ZNF174: variants seen among roughly 807,000 people sequenced by gnomAD.
The protein encoded by ZNF174 is AW-1.
A neutral mutation model predicts 38.7 loss-of-function variants in ZNF174; 30 were observed. The observed-to-expected ratio is 0.78, with a 90% CI of 0.58 to 1.05. The LOEUF (loss-of-function observed/expected upper bound fraction) is 1.05. Among genes scored for constraint, ZNF174 ranks in the 50% least tolerant of loss-of-function variants. The pLI is 0.00. For missense variants in ZNF174, 499 were observed against 495.6 expected, an observed-to-expected ratio of 1.01 and a Z score of -0.06; for synonymous variants, 201 against 181.7, an observed-to-expected ratio of 1.11 and a Z score of -0.86.
At chr16:3,404,877 C>T in intron 2 of ZNF174, 1 of 1,608,860 alleles carries the variant, frequency 6.2e-7, no homozygotes, top group Non-Finnish European at 8.5e-7. Flanking sequence ...CAGTGCATGA[C>T]AGGGTTGTAC....
intron 1 of ZNF174, 60 bp from the exon 2 acceptor site, chr16:3,404,366 G>T: frequency 6.7e-7 from 1 of 1,496,302 alleles, no homozygotes; most frequent in South Asian, 1.3e-5. Flanking sequence ...ATACAACAGT[G>T]AGAGATCAAG....
intron 1 of ZNF174, among the ~76,000 whole-genome samples, 200 bp downstream of exon 1, chr16:3,402,606 C>T (rs2033961834): frequency 2.0e-5 from 3 of 151,734 alleles, no homozygotes; most frequent in African/African-American, 7.3e-5. Context: ...CTACAGGCGC[C>T]CGCCACCGCG....
chr16:3,402,870 C>G (rs1216782909), intron 1 of ZNF174, among the ~76,000 whole-genome samples: 1 of 152,138 alleles, frequency 6.6e-6, no homozygotes, highest in Non-Finnish European at 1.5e-5. Flanking sequence ...GGGAACCTAT[C>G]CTGAGTTATT....
Position 3,402,425 on chromosome 16 carries a change from C to G in ZNF174, c.402+19C>G, listed in dbSNP as rs751652675. ...GCAGTGGGTAAGGAGGGTCCTCTCCCATCATCCTGGGGATTTCTTTTTCTT... is the reference window on the plus strand; with the variant it reads ...GCAGTGGGTAAGGAGGGTCCTCTCCGATCATCCTGGGGATTTCTTTTTCTT... On this transcript the variant is annotated intron_variant, in intron 1 of 2. Coordinates refer to ENST00000268655, the MANE Select transcript of ZNF174 (RefSeq NM_003450.3). 6.4e-7 allele frequency: 1 copy of G among 1,574,240 alleles called. No individual in the cohort carries two copies. The highest frequency in any genetic ancestry group is 8.6e-7 in the Non-Finnish European group (1 of 1,164,888).
chr16:3,405,211 G>C, intron 2 of ZNF174: 4 of 765,754 alleles, frequency 5.2e-6, no homozygotes, highest in East Asian at 2.9e-5. Context: ...GTGAATACAA[G>C]ATACAGTGAG....
At chr16:3,405,047 C>G in intron 2 of ZNF174, 2 of 1,586,644 alleles carry the variant, frequency 1.3e-6, no homozygotes, top group Non-Finnish European at 1.7e-6. Context: ...TATCTTATAT[C>G]TTTGTCCTCC....
Position 3,401,923 on chromosome 16 carries a change from T to C in ZNF174, c.-82T>C. Reference sequence around the variant, plus strand: ...AGAACCTTCGTTTCTAGAATCTTTCTAGTATTCAGAGACTTCTCCAGGGTC... The same window carrying C: ...AGAACCTTCGTTTCTAGAATCTTTCCAGTATTCAGAGACTTCTCCAGGGTC... On this transcript the variant is annotated 5_prime_UTR_variant, in exon 1 of 3. Transcript: ENST00000268655. The C allele has an allele frequency of 6.6e-7, 1 of 1,510,624 alleles. No homozygotes were observed. Among genetic ancestry groups the C allele is most frequent in the Non-Finnish European group, 8.9e-7 (1 of 1,119,364 alleles). The allele number at this position is 1,510,624 out of a possible 1,614,324, so 93.6% of individuals were successfully genotyped here.
At chr16:3,402,456 T>TTC (rs759688699) in intron 1 of ZNF174, 50 bp downstream of exon 1, 91 of 1,521,534 alleles carry the variant, frequency 6.0e-5, no homozygotes, top group Admixed American at 2.5e-4. Context: ...TTCTTTTCTT[T>TTC]TTTTTTTTTT....
chr16:3,403,993 A>G (rs1210090905), intron 1 of ZNF174, among the ~76,000 whole-genome samples: 1 of 152,212 alleles, frequency 6.6e-6, no homozygotes, highest in East Asian at 1.9e-4. Flanking sequence ...TTACCAGGAA[A>G]GCCTTTGGCA....
In ZNF174 at chr16:3,404,479, G is replaced by T; in HGVS notation, c.456G>T (p.Gln152His). The change falls in exon 2 of 3, where the codon CAG becomes CAT. Residue 152 changes from glutamine (Q) to histidine (H), a missense_variant. Transcript: ENST00000268655. The stretch of plus-strand genomic sequence containing the variant: ...TGCTCTTGGAGAAAACTGGATCTCA[G>T]CTTGGAGAACAGGAACTGCCAGACT... ...QKVLLEKTGSQLGEQELPDFQ... is the reference protein window; with the variant it reads ...QKVLLEKTGSHLGEQELPDFQ... 6.2e-7 allele frequency: 1 copy of T among 1,612,552 alleles called. No homozygotes were observed. The highest frequency in any genetic ancestry group is 8.5e-7 in the Non-Finnish European group (1 of 1,178,674).
In ZNF174 at chr16:3,402,383, G is replaced by A; in HGVS notation, c.379G>A (p.Ala127Thr). The A allele has an allele frequency of 1.9e-6, 3 of 1,613,814 alleles. No homozygotes were observed. In the South Asian group the frequency reaches 3.3e-5, roughly 18 times the overall value. Residue 127 changes from alanine (A) to threonine (T), a missense_variant, in exon 1 of 3, where the codon GCA becomes ACA. Ala to Thr is a moderately conservative substitution (Grantham distance 58, BLOSUM62 0). Coordinates refer to ENST00000268655, the MANE Select transcript of ZNF174 (RefSeq NM_003450.3). ...GACCCTCGTGGAAGATTTTCACAGA[G>A]CATCCAAGAAACCAAAGCAGTGGGT... ...IVTLVEDFHR[A>T]SKKPKQWVAV...
chr16:3,409,340 A>T lies in ZNF174; in HGVS notation c.*421A>T, dbSNP rs1208230957. The T allele has an allele frequency of 1.2e-5, 2 of 166,648 alleles. No homozygotes were observed. The highest frequency in any genetic ancestry group is 2.7e-5 in the Non-Finnish European group (2 of 75,250). 10.3% of individuals were successfully genotyped at this position (166,648 alleles called of 1,614,324 possible). ...TTTTTTATCATGAGCACACTTCTTT[A>T]ATAAAGATGAGTGATCTACCAGAAT... On this transcript the variant is annotated 3_prime_UTR_variant, in exon 3 of 3. Coordinates refer to ENST00000268655, the MANE Select transcript of ZNF174 (RefSeq NM_003450.3).
In ZNF174 at chr16:3,402,095, C is replaced by G; in HGVS notation, c.91C>G (p.Arg31Gly). The G allele has an allele frequency of 6.2e-7, 1 of 1,614,164 alleles. No individual in the cohort carries two copies. Among genetic ancestry groups the G allele is most frequent in the Non-Finnish European group, 8.5e-7 (1 of 1,180,022 alleles). The change falls in exon 1 of 3, where the codon CGG (arginine) becomes GGG (glycine). Residue 31 changes from arginine (R) to glycine (G), a missense_variant. Arg to Gly is a moderately radical substitution (Grantham distance 125). Transcript: ENST00000268655. Reference sequence around the variant, plus strand: ...CATAATAGCCAAACTAGAAGAGAAACGGGGCCCTCCTCTGCAAAAAAACTG... The same window carrying G: ...CATAATAGCCAAACTAGAAGAGAAAGGGGGCCCTCCTCTGCAAAAAAACTG... Reference protein sequence around the residue: ...RHIIAKLEEKRGPPLQKNCPD... With the variant: ...RHIIAKLEEKGGPPLQKNCPD...
chr16:3,405,015 G>A (rs1246986117), intron 2 of ZNF174: 4 of 1,606,744 alleles, frequency 2.5e-6, no homozygotes, highest in East Asian at 2.2e-5. Context: ...GAGGGGCCTG[G>A]TAGAAATAAA....
intron 2 of ZNF174, 198 bp downstream of exon 2, chr16:3,404,846 G>A: frequency 1.3e-6 from 2 of 1,592,984 alleles, no homozygotes; most frequent in African/African-American, 2.7e-5. Flanking sequence ...ATCGTTTTCT[G>A]TTAATGAAAA....
At position 3,404,652 on chromosome 16, in the gene ZNF174, A is replaced by G. The variant is rs2034026294; in HGVS notation, c.625+4A>G. ...ACCCCCAAATTGGCTGGGACAGGTAAACACTCTGCCTTTTCTCTCCCTCTC... is the reference window on the plus strand; with the variant it reads ...ACCCCCAAATTGGCTGGGACAGGTAGACACTCTGCCTTTTCTCTCCCTCTC... On this transcript the variant is annotated splice_donor_region_variant and intron_variant, in intron 2 of 2. Coordinates refer to ENST00000268655, the MANE Select transcript of ZNF174 (RefSeq NM_003450.3). 1 of 1,614,088 alleles carries G rather than the reference A, an allele frequency of 6.2e-7. No individual in the cohort carries two copies. The highest frequency in any genetic ancestry group is 8.5e-7 in the Non-Finnish European group (1 of 1,179,958).
rs2034092505 is a variant in ZNF174 at position 3,409,020 on chromosome 16, G to A, written c.*101G>A. 1 of 1,267,218 alleles carries A rather than the reference G, an allele frequency of 7.9e-7. No individual in the cohort carries two copies. Among genetic ancestry groups the A allele is most frequent in the East Asian group, 2.3e-5 (1 of 42,974 alleles). 78.5% of individuals were successfully genotyped at this position (1,267,218 alleles called of 1,614,324 possible). A position where few individuals can be genotyped will look rare whatever the true frequency, so the allele number is the denominator to read the frequency against. On this transcript the variant is annotated 3_prime_UTR_variant, in exon 3 of 3. Coordinates refer to ENST00000268655, the MANE Select transcript of ZNF174 (RefSeq NM_003450.3). ...AAAAACTGTGTGACTTACAAGGAAA[G>A]CACGAGGCCCTTGAGGAATGATGAT...
At chr16:3,403,272 C>T (rs1012596657) in intron 1 of ZNF174, among the ~76,000 whole-genome samples, 2 of 136,562 alleles carry the variant, frequency 1.5e-5, no homozygotes, top group African/African-American at 5.5e-5. Context: ...CAGGTTCAAG[C>T]GATTCTCAGG....
chr16:3,405,159 C>G, intron 2 of ZNF174: 2 of 1,273,040 alleles, frequency 1.6e-6, no homozygotes, highest in South Asian at 1.9e-5. Flanking sequence ...CCTGTGATCT[C>G]TAAGCCTGAA....
Sources: allele counts gnomAD v4.1 joint callset (sites outside exome capture counted in the v4.1 genomes callset), GRCh38; gene constraint gnomAD v4.1.1; transcripts MANE v1.5; gene names NCBI Gene and HGNC (gene_info 2026-07-23, HGNC 2026-07-21).